Variants in LRRN1 observed in about 807,000 individuals in gnomAD.
LRRN1 encodes leucine rich repeat neuronal 1, also known as leucine-rich repeat neuronal protein 1.
In LRRN1, 14 loss-of-function variants were observed where a neutral mutation model predicts 45.8. The observed-to-expected ratio is 0.31, with a 90% confidence interval of 0.20 to 0.48. The LOEUF (loss-of-function observed/expected upper bound fraction) is 0.48, where lower values mean the gene tolerates loss of function less well. Ranked by LOEUF, LRRN1 falls within the 20% of genes least tolerant of loss-of-function variation. The pLI, the probability that LRRN1 is intolerant of heterozygous loss-of-function variation, is 0.99. For missense variants in LRRN1, 789 were observed against 874.2 expected, an observed-to-expected ratio of 0.90 and a Z score of 1.23; for synonymous variants, 359 against 330.1, an observed-to-expected ratio of 1.09 and a Z score of -0.95.
Position 3,846,651 on chromosome 3 carries a change from A to G in LRRN1, c.2010A>G (p.Gln670=), listed in dbSNP as rs747995022. 24 of 1,613,922 alleles carry G rather than the reference A, an allele frequency of 1.5e-5. No individual in the cohort carries two copies. The highest frequency in any genetic ancestry group is 1.9e-5 in the Non-Finnish European group (22 of 1,180,008). The change falls in exon 2 of 2, where the codon CAA becomes CAG. Residue 670 remains glutamine (Q), a synonymous_variant. Transcript: ENST00000319331. This position sits in a 1 kb window ranked among gnomAD's most constrained non-coding sequence, Gnocchi z 5.7. The part of the protein sequence containing the change: ...NYHHSLKKYM[Q]KTSSIPLNEL... ...ACCACTCATTAAAAAAGTATATGCA[A>G]AAAACCTCTTCAATCCCACTAAATG...
At chr3:3,826,873 A>G (rs1199356679) in intron 1 of LRRN1, among the ~76,000 whole-genome samples, 1 of 152,174 alleles carries the variant, frequency 6.6e-6, no homozygotes, top group African/African-American at 2.4e-5. Flanking sequence ...GAGGAATAAA[A>G]TACATCCTCA....
intron 1 of LRRN1, among the ~76,000 whole-genome samples, chr3:3,833,994 C>T (rs530599319): frequency 1.2e-4 from 19 of 152,220 alleles, no homozygotes; most frequent in African/African-American, 4.6e-4. Flanking sequence ...GCAGGTCACC[C>T]ACTCGCATGA....
At chr3:3,828,685 C>T (rs1202824004) in intron 1 of LRRN1, among the ~76,000 whole-genome samples, 1 of 152,132 alleles carries the variant, frequency 6.6e-6, no homozygotes, top group East Asian at 1.9e-4. Context: ...ACACACTAAT[C>T]CCCAACCCAA....
intron 1 of LRRN1, among the ~76,000 whole-genome samples, chr3:3,826,779 A>T (rs1693225940): frequency 6.6e-6 from 1 of 152,146 alleles, no homozygotes; most frequent in African/African-American, 2.4e-5. Flanking sequence ...GCCAGAAAAA[A>T]GTCTAAGAAA....
At chr3:3,827,589 C>G (rs1693252817) in intron 1 of LRRN1, 1 of 440,628 alleles carries the variant, frequency 2.3e-6, no homozygotes, top group Non-Finnish European at 4.6e-6. Flanking sequence ...AGAAAGGAAG[C>G]AAATTTGAAT....
chr3:3,816,447 C>G lies in LRRN1; in HGVS notation c.-279+16528C>G, dbSNP rs1332186964. Among the ~76,000 whole-genome samples, 1 of 152,014 alleles carries G rather than the reference C, an allele frequency of 6.6e-6. No homozygotes were observed. Among genetic ancestry groups the G allele is most frequent in the Non-Finnish European group, 1.5e-5 (1 of 68,002 alleles). On this transcript the variant is annotated intron_variant, in intron 1 of 1. Coordinates refer to ENST00000319331, the MANE Select transcript of LRRN1 (RefSeq NM_020873.7). This position sits in a 1 kb window ranked among gnomAD's most constrained non-coding sequence, Gnocchi z 4.0. ...TTAAAAAACCTGATTAACAGAAATC[C>G]TAATTAACTAGATCCCCTCCACCCT...
At position 3,818,659 on chromosome 3, in the gene LRRN1, G is replaced by A. The variant is rs572349278; in HGVS notation, c.-279+18740G>A. Among the ~76,000 whole-genome samples the A allele has an allele frequency of 1.3e-3, 196 of 152,278 alleles. 1 individual carries two copies. The highest frequency in any genetic ancestry group is 3.7e-3 in the South Asian group (18 of 4,832). On this transcript the variant is annotated intron_variant, in intron 1 of 1. Transcript: ENST00000319331. ...ATTCTTCAAACTGTATCTGGTGTGT[G>A]ACTTTCAAAACATGGGAGGAAAATG... is the stretch of plus-strand genomic sequence containing the variant.
chr3:3,821,279 C>T (rs927010615), intron 1 of LRRN1, among the ~76,000 whole-genome samples: 4 of 152,186 alleles, frequency 2.6e-5, no homozygotes, highest in African/African-American at 9.7e-5. Flanking sequence ...CTCATTCCCA[C>T]CAGCTACGTT....
chr3:3,828,081 T>A (rs960138805), intron 1 of LRRN1, among the ~76,000 whole-genome samples: 1 of 151,340 alleles, frequency 6.6e-6, no homozygotes, highest in Non-Finnish European at 1.5e-5. Context: ...GAGGGCTCAC[T>A]ATGTGCTGGA....
chr3:3,846,336 C>A lies in LRRN1; in HGVS notation c.1695C>A (p.Asn565Lys), dbSNP rs762050117. 1.2e-6 allele frequency: 2 copies of A among 1,613,834 alleles called. No individual in the cohort carries two copies. Among genetic ancestry groups the A allele is most frequent in the East Asian group, 4.5e-5 (2 of 44,880 alleles). Residue 565 changes from asparagine to lysine, a missense_variant, in exon 2 of 2, where the codon AAC becomes AAA. Transcript: ENST00000319331. The surrounding 1 kb of genome is among the most constrained non-coding windows in gnomAD (Gnocchi z 5.7). ...KWSSATMKID[N>K]PHITYTARVP... ...CGTCTGCCACCATGAAGATTGATAA[C>A]CCTCACATAACATATACTGCCAGGG... is the stretch of plus-strand genomic sequence containing the variant.
Position 3,826,405 on chromosome 3 carries a change from G to A in LRRN1, c.-278-17959G>A, listed in dbSNP as rs80184040. On this transcript the variant is annotated intron_variant, in intron 1 of 1. Transcript: ENST00000319331. ...AAAGTTACATGACTTGTTCAAGGTCGTCCAGAAAGTTTATGCTGAAGCCAA... is the reference window on the plus strand; with the variant it reads ...AAAGTTACATGACTTGTTCAAGGTCATCCAGAAAGTTTATGCTGAAGCCAA... 5.3e-5 allele frequency among the ~76,000 whole-genome samples: 8 copies of A among 152,228 alleles called. No homozygotes were observed. In the South Asian group the frequency reaches 6.2e-4, roughly 12 times the overall value.
At position 3,846,636 on chromosome 3, in the gene LRRN1, A is replaced by T. The variant is rs758034448; in HGVS notation, c.1995A>T (p.Leu665Phe). ...AGAGAAAAAACTACCACCACTCATT[A>T]AAAAAGTATATGCAAAAAACCTCTT... Reference protein sequence around the residue: ...RFKRKNYHHSLKKYMQKTSSI... With the variant: ...RFKRKNYHHSFKKYMQKTSSI... Residue 665 changes from leucine to phenylalanine, a missense_variant, in exon 2 of 2, where the codon TTA (leucine) becomes TTT (phenylalanine). Coordinates refer to ENST00000319331, the MANE Select transcript of LRRN1 (RefSeq NM_020873.7). The surrounding 1 kb of genome is among the most constrained non-coding windows in gnomAD (Gnocchi z 5.7). 5.5e-5 allele frequency: 88 copies of T among 1,614,080 alleles called. 6 individuals are homozygous for T. The South Asian group carries it at 8.3e-4, about 15-fold the overall frequency.
intron 1 of LRRN1, among the ~76,000 whole-genome samples, chr3:3,808,909 C>G (rs190876876): frequency 6.6e-6 from 1 of 152,040 alleles, no homozygotes; most frequent in Admixed American, 6.5e-5. Context: ...TTTATAAACC[C>G]TCTTTAAATC....
chr3:3,800,473 C>A lies in LRRN1; in HGVS notation c.-279+554C>A, dbSNP rs111757707. On this transcript the variant is annotated intron_variant, in intron 1 of 1. Transcript: ENST00000319331. ...AGAAAGGGGCAAGGGGTATAATTGA[C>A]AAGGCACTGAAAGTATTGAAGTCAG... Among the ~76,000 whole-genome samples, 302 of 152,222 alleles carry A rather than the reference C, an allele frequency of 2.0e-3. 3 individuals are homozygous for A. The highest frequency in any genetic ancestry group is 6.5e-3 in the African/African-American group (270 of 41,532).
intron 1 of LRRN1, among the ~76,000 whole-genome samples, chr3:3,835,717 T>A (rs906017279): frequency 6.6e-6 from 1 of 151,910 alleles, no homozygotes; most frequent in East Asian, 1.9e-4. Flanking sequence ...CACCGAATAA[T>A]GTCATTCTGT....
rs73129097 is a variant in LRRN1, at chr3:3,805,520, C to G, written c.-279+5601C>G. On this transcript the variant is annotated intron_variant, in intron 1 of 1. Transcript: ENST00000319331. ...CCATCCCGGTGCTTCATGGCTCTAT[C>G]AGAGTTGTGCGTTAAAGGATCCAGG... 5.1e-3 allele frequency among the ~76,000 whole-genome samples: 781 copies of G among 152,272 alleles called. 8 individuals carry two copies. Among genetic ancestry groups the G allele is most frequent in the African/African-American group, 0.018 (747 of 41,556 alleles).
rs75696565 is a variant in LRRN1, at chr3:3,822,035, C to T, written c.-279+22116C>T. 6.7e-3 allele frequency among the ~76,000 whole-genome samples: 1,014 copies of T among 152,262 alleles called. 45 individuals are homozygous for T. In the East Asian group the frequency reaches 0.13, roughly 20 times the overall value. On this transcript the variant is annotated intron_variant, in intron 1 of 1. Coordinates refer to ENST00000319331, the MANE Select transcript of LRRN1 (RefSeq NM_020873.7). ...GACGGATTGGGATAGAAAAGCGATG[C>T]GATTTGGGTTCTGGCATCAGATGCC...
At chr3:3,812,607 G>C (rs9872747) in intron 1 of LRRN1, among the ~76,000 whole-genome samples, 7,918 of 152,242 alleles carry the variant, frequency 0.052, 711 homozygotes, top group African/African-American at 0.18. Flanking sequence ...ATACCGAAGA[G>C]ATATGTCACC....
chr3:3,834,526 A>ATATATATATATATATATATATATATATAT (rs1693448421), intron 1 of LRRN1, among the ~76,000 whole-genome samples: 1 of 19,702 alleles, frequency 5.1e-5, no homozygotes, highest in South Asian at 2.5e-3. Flanking sequence ...ACAGAACAGG[A>ATATATATATATATATATATATATATATAT]TATATATATA....
Sources: allele counts gnomAD v4.1 joint callset (sites outside exome capture counted in the v4.1 genomes callset), GRCh38; gene constraint gnomAD v4.1.1; non-coding constraint Gnocchi (gnomAD v3.1); transcripts MANE v1.5; gene names NCBI Gene and HGNC (gene_info 2026-07-23, HGNC 2026-07-21).